The following VDAC1 variants were observed in gnomAD, a reference collection of about 807,000 sequenced individuals.
VDAC1 encodes non-selective voltage-gated ion channel VDAC1.
In VDAC1, 10 loss-of-function variants were observed where a neutral mutation model predicts 34.7. That is an observed-to-expected ratio of 0.29 (90% CI 0.18 to 0.49). The LOEUF is 0.49. VDAC1 is among the 20% of genes least tolerant of loss of function. The pLI is 0.99. For synonymous variants in VDAC1, 130 were observed against 136.0 expected (o/e 0.96, Z 0.30); for missense variants, 230 against 347.9 (o/e 0.66, Z 2.69).
At chr5:134,095,522 A>AATCAATCAATC in the VDAC1 span, among the ~76,000 whole-genome samples, 2 of 150,814 alleles carry the variant, frequency 1.3e-5, no homozygotes, top group Admixed American at 6.6e-5. Flanking sequence ...ATAAATAAAT[A>AATCAATCAATC]AATCCAAGAG....
the VDAC1 span, among the ~76,000 whole-genome samples, chr5:134,053,056 G>A: frequency 1.4e-4 from 22 of 152,168 alleles, no homozygotes; most frequent in East Asian, 2.5e-3. Context: ...TGGAGGTTGC[G>A]GTGAGCTGAG....
At chr5:134,038,417 G>A in the VDAC1 span, among the ~76,000 whole-genome samples, 1 of 152,206 alleles carries the variant, frequency 6.6e-6, no homozygotes, top group Non-Finnish European at 1.5e-5. Context: ...TAAGCATGGA[G>A]GGTAAGAGCG....
the VDAC1 span, among the ~76,000 whole-genome samples, chr5:134,098,204 T>TATTATC: frequency 0.03 from 2,194 of 72,632 alleles, 20 homozygotes; most frequent in South Asian, 0.055. Context: ...TTATTATTAT[T>TATTATC]ATTATTTTGA....
the VDAC1 span, among the ~76,000 whole-genome samples, chr5:134,114,423 G>A: frequency 2.0e-5 from 3 of 152,182 alleles, no homozygotes; most frequent in Admixed American, 2.0e-4. Context: ...AAACCTGGGC[G>A]CAGAAAGCAG....
At chr5:133,974,970 C>A (rs1282706745) in intron 7 of VDAC1, among the ~76,000 whole-genome samples, 6 of 148,644 alleles carry the variant, frequency 4.0e-5, no homozygotes, top group African/African-American at 9.9e-5. Flanking sequence ...AAAAAACAAA[C>A]AAACAGAGAT....
the VDAC1 span, among the ~76,000 whole-genome samples, chr5:134,035,730 G>A: frequency 5.3e-5 from 8 of 152,142 alleles, no homozygotes; most frequent in South Asian, 2.1e-4. Flanking sequence ...TGCCAGGCCC[G>A]GCCTTGTGGC....
the VDAC1 span, among the ~76,000 whole-genome samples, chr5:134,074,341 TAA>T: frequency 1.3e-5 from 2 of 150,672 alleles, no homozygotes; most frequent in African/African-American, 4.9e-5. Context: ...AATAAATAAA[TAA>T]ATAAATAAAT....
At chr5:134,026,516 G>GAAA in the VDAC1 span, among the ~76,000 whole-genome samples, 30 of 72,230 alleles carry the variant, frequency 4.2e-4, no homozygotes, top group African/African-American at 4.8e-4. Context: ...CTCCGTCTCA[G>GAAA]AAAAAAAAAA....
chr5:134,067,080 T>C, the VDAC1 span, among the ~76,000 whole-genome samples: 2 of 151,600 alleles, frequency 1.3e-5, no homozygotes, highest in African/African-American at 4.8e-5. Context: ...GATCAAAAGT[T>C]CTTTTTTTTT....
the VDAC1 span, among the ~76,000 whole-genome samples, chr5:134,023,822 G>A: frequency 6.6e-6 from 1 of 152,084 alleles, no homozygotes; most frequent in African/African-American, 2.4e-5. Context: ...CTCCAAAGAG[G>A]TGACTTATAA....
At chr5:134,042,612 G>A in the VDAC1 span, among the ~76,000 whole-genome samples, 10 of 152,124 alleles carry the variant, frequency 6.6e-5, no homozygotes, top group Non-Finnish European at 1.2e-4. Context: ...TCCTGCCTCG[G>A]CCTCCAGAGT....
At chr5:133,974,375 T>C (rs1752401919) in intron 7 of VDAC1, among the ~76,000 whole-genome samples, 1 of 152,176 alleles carries the variant, frequency 6.6e-6, no homozygotes, top group South Asian at 2.1e-4. Flanking sequence ...CTGTGAGCAA[T>C]GCCAGAGACT....
the VDAC1 span, among the ~76,000 whole-genome samples, chr5:134,090,237 G>A: frequency 2.0e-5 from 3 of 152,230 alleles, no homozygotes; most frequent in South Asian, 2.1e-4. Flanking sequence ...CTAATTCTTC[G>A]TGGAATATTC....
the VDAC1 span, among the ~76,000 whole-genome samples, chr5:134,070,244 C>T: frequency 6.6e-6 from 1 of 152,040 alleles, no homozygotes; most frequent in Non-Finnish European, 1.5e-5. Context: ...CAGTTTCAAG[C>T]GATTCTCCTG....
the VDAC1 span, among the ~76,000 whole-genome samples, chr5:134,094,649 G>A: frequency 4.1e-5 from 6 of 145,730 alleles, no homozygotes; most frequent in Non-Finnish European, 7.5e-5. Context: ...GTAAGCTGAG[G>A]TCGCGCCACT....
intron 5 of VDAC1, among the ~76,000 whole-genome samples, chr5:133,987,867 A>G (rs1451895211): frequency 2.6e-5 from 4 of 152,258 alleles, no homozygotes; most frequent in Non-Finnish European, 5.9e-5. Flanking sequence ...GCCTACTGAT[A>G]TATTCTTCCT....
At chr5:134,051,428 C>T in the VDAC1 span, among the ~76,000 whole-genome samples, 415 of 152,322 alleles carry the variant, frequency 2.7e-3, no homozygotes, top group African/African-American at 9.4e-3. Context: ...TACAGAGTCA[C>T]TTGCATTTTG....
chr5:134,106,653 G>A, the VDAC1 span, among the ~76,000 whole-genome samples: 23 of 152,126 alleles, frequency 1.5e-4, no homozygotes, highest in Admixed American at 2.6e-4. Context: ...TGATCCACCC[G>A]CCTCAGCCTC....
chr5:133,972,479 A>C lies in VDAC1; in HGVS notation c.*292T>G, dbSNP rs190998593. 6.5e-6 allele frequency: 3 copies of C among 463,344 alleles called. No homozygotes were observed. The East Asian group carries it at 9.9e-5, about 15-fold the overall frequency. The allele number at this position is 463,344 out of a possible 1,614,324, so 28.7% of individuals were successfully genotyped here. A position where few individuals can be genotyped will look rare whatever the true frequency, so the allele number is the denominator to read the frequency against. On this transcript the variant is annotated 3_prime_UTR_variant, in exon 9 of 9. Transcript: ENST00000265333. ...CTCAATATGAATTTACAAAGTGCCT[A>C]CATATTATCCGCTTCCACTTGCAGC...
Sources: allele counts gnomAD v4.1 joint callset (sites outside exome capture counted in the v4.1 genomes callset), GRCh38; gene constraint gnomAD v4.1.1; transcripts MANE v1.5; gene names NCBI Gene and HGNC (gene_info 2026-07-23, HGNC 2026-07-21).